The following SLTM variants were observed in gnomAD, a reference collection of about 807,000 sequenced individuals.
SLTM encodes SAFB-like transcription modulator.
SLTM carries 43 observed loss-of-function variants against 134.6 expected under a neutral mutation model. The ratio of observed to expected loss-of-function variants is 0.32; its 90% CI spans 0.25 to 0.41. SLTM has a LOEUF of 0.41. SLTM is among the 10% of genes least tolerant of loss of function. SLTM has a pLI of 1.00. For synonymous variants in SLTM, 424 were observed against 432.3 expected, an observed-to-expected ratio of 0.98 and a Z score of 0.24; for missense variants, 1,055 against 1,288.8, an observed-to-expected ratio of 0.82 and a Z score of 2.78.
chr15:58,880,137 A>C, intron 20 of SLTM, 30 bp from the exon 21 acceptor site: 1 of 1,606,002 alleles, frequency 6.2e-7, no homozygotes, highest in East Asian at 2.2e-5. Flanking sequence ...AAAAAACATC[A>C]GAGAACAAAG....
chr15:58,921,130 G>A (rs1476350122), intron 2 of SLTM, among the ~76,000 whole-genome samples: 1 of 152,140 alleles, frequency 6.6e-6, no homozygotes, highest in Non-Finnish European at 1.5e-5. Context: ...CATTACCACT[G>A]AAGTGGCATC....
chr15:58,905,214 T>C (rs2035790297), intron 5 of SLTM, among the ~76,000 whole-genome samples: 1 of 152,208 alleles, frequency 6.6e-6, no homozygotes, highest in Admixed American at 6.5e-5. Flanking sequence ...ATTTGCAATA[T>C]TTGGAAAGGA....
Position 58,883,658 on chromosome 15 carries a change from C to G in SLTM, c.2964G>C (p.Arg988=), listed in dbSNP as rs145425755. The change falls in exon 20 of 21, where the codon CGG becomes CGC. Residue 988 remains arginine, a synonymous_variant. Transcript: ENST00000380516. ...YHDTRRMGDG[R]AGAGMITQHS... is the part of the protein sequence containing the mutation. ...GTTGGGTTATCATGCCTGCTCCTGCCCGGCCGTCACCCATTCGCCTCGTAT... is the reference window on the plus strand; with the variant it reads ...GTTGGGTTATCATGCCTGCTCCTGCGCGGCCGTCACCCATTCGCCTCGTAT... The G allele has an allele frequency of 6.2e-6, 10 of 1,613,976 alleles. No individual in the cohort carries two copies. Among genetic ancestry groups the G allele is most frequent in the Non-Finnish European group, 8.5e-6 (10 of 1,180,034 alleles).
chr15:58,932,316 C>G (rs1299915316), intron 2 of SLTM, 40 bp downstream of exon 2: 1 of 1,508,258 alleles, frequency 6.6e-7, no homozygotes, highest in East Asian at 2.3e-5. Flanking sequence ...AGTTATATAA[C>G]CAAAATATAT....
rs1161119111 is a variant in SLTM, at chr15:58,933,624, G to A, written c.-59C>T. 5 of 1,461,724 alleles carry A rather than the reference G, an allele frequency of 3.4e-6. No homozygotes were observed. Among genetic ancestry groups the A allele is most frequent in the South Asian group, 2.6e-5 (2 of 75,668 alleles). The allele number at this position is 1,461,724 out of a possible 1,614,324, so 90.5% of individuals were successfully genotyped here. A position where few individuals can be genotyped will look rare whatever the true frequency, so the allele number is the denominator to read the frequency against. On this transcript the variant is annotated 5_prime_UTR_variant, in exon 1 of 21. Transcript: ENST00000380516. The stretch of plus-strand genomic sequence containing the variant: ...TGGGCTGCAGGGCGGCGGCAGCAGC[G>A]CCAACTTCCACCCAGGCCTCGGCGG...
chr15:58,902,248 A>G (rs559529848), intron 5 of SLTM, among the ~76,000 whole-genome samples: 1 of 152,206 alleles, frequency 6.6e-6, no homozygotes, highest in African/African-American at 2.4e-5. Flanking sequence ...GAATCATTTT[A>G]TTTTTTAGAG....
chr15:58,898,926 T>G, intron 7 of SLTM, 74 bp from the exon 8 acceptor site: 3 of 1,087,500 alleles, frequency 2.8e-6, no homozygotes, highest in Non-Finnish European at 4.1e-6. Context: ...AGCTTGATAT[T>G]TACTATATTT....
At chr15:58,884,596 T>G (rs375149999) in intron 19 of SLTM, among the ~76,000 whole-genome samples, 2 of 152,002 alleles carry the variant, frequency 1.3e-5, no homozygotes, top group East Asian at 3.9e-4. Context: ...GGATTACAGG[T>G]GTGAGCCACC....
In SLTM at chr15:58,889,480, A is replaced by G. The variant is rs143295975; in HGVS notation, c.2154T>C (p.Tyr718=). 1.4e-5 allele frequency: 22 copies of G among 1,614,008 alleles called. No homozygotes were observed. Among genetic ancestry groups the G allele is most frequent in the African/African-American group, 9.3e-5 (7 of 74,942 alleles). The change falls in exon 16 of 21, where the codon TAT becomes TAC. Residue 718 remains tyrosine, a synonymous_variant. Transcript: ENST00000380516. Reference sequence around the variant, plus strand: ...TCAAGGAATTCCTTTTTTCTTGTTCATAACGAAGCTGCTGTTGTTGCCTTC... The same window carrying G: ...TCAAGGAATTCCTTTTTTCTTGTTCGTAACGAAGCTGCTGTTGTTGCCTTC... ...ELRRQQQQLR[Y]EQEKRNSLKR...
In SLTM at chr15:58,933,516, G is replaced by A. The variant is rs1188769460; in HGVS notation, c.50C>T (p.Ala17Val). The A allele has an allele frequency of 1.9e-6, 3 of 1,596,700 alleles. No individual in the cohort carries two copies. The highest frequency in any genetic ancestry group is 2.6e-6 in the Non-Finnish European group (3 of 1,172,598). ...AVAASAASGQ[A>V]EGKKITDLRV... ...CAGATCGGTGATCTTTTTACCTTCCGCCTGACCCGAGGCGGCCGAGGCTGC... is the reference window on the plus strand; with the variant it reads ...CAGATCGGTGATCTTTTTACCTTCCACCTGACCCGAGGCGGCCGAGGCTGC... The change falls in exon 1 of 21, where the codon GCG becomes GTG. Residue 17 changes from alanine (A) to valine (V), a missense_variant. This residue lies in a region of SLTM where 268 missense variants were observed against 284.3 expected (regional missense o/e 0.94). Coordinates refer to ENST00000380516, the MANE Select transcript of SLTM (RefSeq NM_024755.4).
Position 58,893,831 on chromosome 15 carries a change from C to A in SLTM, c.1638G>T (p.Lys546Asn). 1.2e-6 allele frequency: 2 copies of A among 1,608,520 alleles called. No individual in the cohort carries two copies. ...AGATGTATAGCATACTTATTCGCTT[C>A]TTTTCTTCACTTTTTTTAATCGATT... Reference protein sequence around the residue: ...TSESIKKSEEKKRISSKSPGH... With the variant: ...TSESIKKSEENKRISSKSPGH... The change falls in exon 12 of 21, where the codon AAG becomes AAT. Residue 546 changes from lysine (K) to asparagine (N), a missense_variant. Around this residue, in one of 3 missense-constraint regions of SLTM, gnomAD observed 776 missense variants for 962.2 expected, o/e 0.81. Transcript: ENST00000380516.
chr15:58,917,735 A>T (rs76704131), intron 2 of SLTM, among the ~76,000 whole-genome samples: 3,385 of 151,938 alleles, frequency 0.022, 126 homozygotes, highest in African/African-American at 0.078. Flanking sequence ...GTAGTTAGAA[A>T]TTTTTTTTAA....
chr15:58,925,958 T>A (rs1429704278), intron 2 of SLTM, among the ~76,000 whole-genome samples: 1 of 152,168 alleles, frequency 6.6e-6, no homozygotes, highest in African/African-American at 2.4e-5. Flanking sequence ...TATAAAATAA[T>A]CTAGAAACTG....
intron 2 of SLTM, among the ~76,000 whole-genome samples, chr15:58,918,387 T>C (rs2036793797): frequency 6.6e-6 from 1 of 152,224 alleles, no homozygotes; most frequent in African/African-American, 2.4e-5. Flanking sequence ...GGAATAAATA[T>C]TTTAAAGGTT....
intron 3 of SLTM, 136 bp downstream of exon 3, chr15:58,916,799 C>T (rs1228302834): frequency 1.2e-5 from 7 of 601,342 alleles, no homozygotes; most frequent in African/African-American, 9.4e-5. Flanking sequence ...CAATATTAAA[C>T]GTTGTCAATA....
chr15:58,906,317 G>A (rs2141074027), intron 5 of SLTM, among the ~76,000 whole-genome samples: 1 of 151,960 alleles, frequency 6.6e-6, no homozygotes, highest in South Asian at 2.1e-4. Flanking sequence ...ACTCAAGTTT[G>A]TCTTGAAAAA....
chr15:58,907,130 A>G (rs376562535), intron 5 of SLTM, among the ~76,000 whole-genome samples: 1 of 151,130 alleles, frequency 6.6e-6, no homozygotes, highest in Non-Finnish European at 1.5e-5. Context: ...CACTACATAA[A>G]AGAGAGAGAT....
intron 2 of SLTM, among the ~76,000 whole-genome samples, chr15:58,925,881 T>C (rs1392615496): frequency 2.0e-5 from 3 of 152,196 alleles, no homozygotes; most frequent in African/African-American, 7.2e-5. Flanking sequence ...ATAGTCCTGC[T>C]TAACTCTCAG....
At chr15:58,920,265 A>T (rs1039054675) in intron 2 of SLTM, among the ~76,000 whole-genome samples, 1 of 151,708 alleles carries the variant, frequency 6.6e-6, no homozygotes, top group African/African-American at 2.4e-5. Flanking sequence ...AGGTTGCGGT[A>T]AGCTGAGATC....
Sources: allele counts gnomAD v4.1 joint callset (sites outside exome capture counted in the v4.1 genomes callset), GRCh38; gene constraint gnomAD v4.1.1; regional missense constraint gnomAD v4.1.1; transcripts MANE v1.5; gene names NCBI Gene and HGNC (gene_info 2026-07-23, HGNC 2026-07-21).